MPP7: variants seen among roughly 807,000 people sequenced by gnomAD.
The protein encoded by MPP7 is MAGUK p55 scaffold protein 7.
Under a neutral mutation model 76.5 loss-of-function variants are expected in MPP7, and 60 were observed. That is an observed-to-expected ratio of 0.78 (90% CI 0.64 to 0.97). The LOEUF (loss-of-function observed/expected upper bound fraction) is 0.97, where lower values mean the gene tolerates loss of function less well. MPP7 is among the 50% of genes least tolerant of loss of function. The probability of loss-of-function intolerance (pLI) is 0.00; values close to 1 mark genes in which losing one functional copy is unlikely to be tolerated. For synonymous variants in MPP7, 237 were observed against 244.5 expected (o/e 0.97, Z 0.29); for missense variants, 641 against 694.0 (o/e 0.92, Z 0.86).
At chr10:28,159,499 T>G (rs1256458664) in intron 3 of MPP7, among the ~76,000 whole-genome samples, 53 of 152,214 alleles carry the variant, frequency 3.5e-4, no homozygotes, top group Admixed American at 3.5e-3. Context: ...AATTTGTAAA[T>G]ATCTTTCATT....
Position 28,273,499 on chromosome 10 carries a change from C to T in MPP7, c.-132+29362G>A, listed in dbSNP as rs191229262. ...GTGGAGACAGACATAAGCAATTGCT[C>T]GGCGTAGCCTCTCCTACAGAAGAGT... On this transcript the variant is annotated intron_variant, in intron 1 of 16. Coordinates refer to ENST00000683449, the MANE Select transcript of MPP7 (RefSeq NM_001318170.2). Among the ~76,000 whole-genome samples, 438 of 152,304 alleles carry T rather than the reference C, an allele frequency of 2.9e-3. 4 individuals are homozygous for T. Among genetic ancestry groups the T allele is most frequent in the African/African-American group, 0.01 (419 of 41,554 alleles).
At position 28,073,742 on chromosome 10, in the gene MPP7, C is replaced by A. The variant is rs971804950; in HGVS notation, c.1124-3890G>T. On this transcript the variant is annotated intron_variant, in intron 12 of 16. Coordinates refer to ENST00000683449, the MANE Select transcript of MPP7 (RefSeq NM_001318170.2). ...CCAAGATTGCATCACTGCACTCCAG[C>A]CTGGTGACAGAGTGAGACTGCATCT... Among the ~76,000 whole-genome samples, 6 of 151,902 alleles carry A rather than the reference C, an allele frequency of 3.9e-5. No individual in the cohort carries two copies. The South Asian group carries it at 1.0e-3, about 26-fold the overall frequency.
chr10:28,323,464 AAAAG>A (rs1834385000), intron 2 of MPP7, among the ~76,000 whole-genome samples: 4 of 151,744 alleles, frequency 2.6e-5, no homozygotes. Context: ...GAAAAAAAAA[AAAAG>A]AAAGAAAGAA....
chr10:28,116,954 T>C (rs982826455), intron 11 of MPP7, among the ~76,000 whole-genome samples: 2 of 152,110 alleles, frequency 1.3e-5, no homozygotes, highest in Admixed American at 1.3e-4. Flanking sequence ...TTACTTACCT[T>C]GGAGCCAAGA....
intron 12 of MPP7, among the ~76,000 whole-genome samples, chr10:28,079,526 A>T (rs1353605808): frequency 6.6e-6 from 1 of 152,168 alleles, no homozygotes; most frequent in Non-Finnish European, 1.5e-5. Flanking sequence ...AAACAAAGCT[A>T]AATGAGTAGA....
At chr10:28,206,229 T>A (rs1287417323) in intron 2 of MPP7, among the ~76,000 whole-genome samples, 1 of 152,182 alleles carries the variant, frequency 6.6e-6, no homozygotes, top group Non-Finnish European at 1.5e-5. Flanking sequence ...AGATACAACT[T>A]ATAGAATATA....
chr10:28,062,257 G>A (rs1588711557), intron 13 of MPP7, among the ~76,000 whole-genome samples: 1 of 152,044 alleles, frequency 6.6e-6, no homozygotes. Context: ...TGGCTGCCAG[G>A]TTTCTGTATT....
At chr10:28,231,971 C>T (rs1299638463) in intron 2 of MPP7, among the ~76,000 whole-genome samples, 2 of 152,228 alleles carry the variant, frequency 1.3e-5, no homozygotes, top group South Asian at 2.1e-4. Flanking sequence ...AAACAAAATA[C>T]GAGCAAACCA....
chr10:28,111,272 TG>T (rs1173264722), intron 11 of MPP7, among the ~76,000 whole-genome samples: 1 of 152,006 alleles, frequency 6.6e-6, no homozygotes, highest in Admixed American at 6.5e-5. Context: ...AAAAAACAAA[TG>T]TATTTTAAAT....
chr10:28,156,249 T>G (rs988440416), intron 3 of MPP7, among the ~76,000 whole-genome samples: 1 of 152,218 alleles, frequency 6.6e-6, no homozygotes, highest in Admixed American at 6.5e-5. Context: ...CTAGGGTTAC[T>G]GTGAGAATGA....
At chr10:28,177,131 G>A (rs1384791649) in intron 3 of MPP7, among the ~76,000 whole-genome samples, 1 of 151,346 alleles carries the variant, frequency 6.6e-6, no homozygotes, top group Non-Finnish European at 1.5e-5. Flanking sequence ...AGTAAAAAGA[G>A]TTCTGGCCGG....
intron 2 of MPP7, among the ~76,000 whole-genome samples, chr10:28,309,339 G>A (rs772476866): frequency 2.0e-5 from 3 of 150,820 alleles, no homozygotes; most frequent in Admixed American, 1.3e-4. Flanking sequence ...GCTTGAACCC[G>A]AGATGTGGAG....
At chr10:28,320,629 A>G (rs1834361483) in intron 2 of MPP7, among the ~76,000 whole-genome samples, 1 of 152,162 alleles carries the variant, frequency 6.6e-6, no homozygotes, top group African/African-American at 2.4e-5. Flanking sequence ...TCAACTTGAA[A>G]TCACTACACA....
chr10:28,059,426 G>T (rs1056738239), intron 14 of MPP7: 3 of 448,576 alleles, frequency 6.7e-6, no homozygotes, highest in Non-Finnish European at 1.2e-5. Flanking sequence ...CTGCAAAGCA[G>T]TGTCTACACA....
At chr10:28,271,219 A>G (rs1840317131) in intron 1 of MPP7, among the ~76,000 whole-genome samples, 1 of 152,224 alleles carries the variant, frequency 6.6e-6, no homozygotes, top group Non-Finnish European at 1.5e-5. Flanking sequence ...CAGAGAAACC[A>G]AAGGAATATT....
chr10:28,116,889 A>G (rs1029823121), intron 11 of MPP7, among the ~76,000 whole-genome samples: 1 of 152,136 alleles, frequency 6.6e-6, no homozygotes, highest in Non-Finnish European at 1.5e-5. Context: ...TGAATTTTGC[A>G]TAAGGAGGCT....
intron 3 of MPP7, among the ~76,000 whole-genome samples, chr10:28,198,936 T>C (rs1433820231): frequency 1.3e-5 from 2 of 152,132 alleles, no homozygotes; most frequent in African/African-American, 4.8e-5. Context: ...CCCACAGATA[T>C]GTGTATTTGT....
Position 28,154,636 on chromosome 10 carries a change from T to G in MPP7, c.157-4577A>C, listed in dbSNP as rs562610461. ...ATGTAGTGATACTATTTGAAACCAC[T>G]TCTCAGAACATTTTCTACAGATCAA... On this transcript the variant is annotated intron_variant, in intron 3 of 16. Transcript: ENST00000683449. Among the ~76,000 whole-genome samples, 11 of 152,190 alleles carry G rather than the reference T, an allele frequency of 7.2e-5. No individual in the cohort carries two copies. The East Asian group carries it at 1.9e-3, about 27-fold the overall frequency.
chr10:28,119,564 C>T (rs1171408730), intron 11 of MPP7, 87 bp downstream of exon 11: 1 of 1,010,486 alleles, frequency 9.9e-7, no homozygotes, highest in Admixed American at 1.9e-5. Flanking sequence ...GGTAATAGGA[C>T]CCTTTGTTCT....
Sources: gnomAD v4.1 joint callset for allele counts (sites outside exome capture counted in the v4.1 genomes callset) on GRCh38, gnomAD v4.1.1 for gene constraint, MANE v1.5 for transcripts, NCBI Gene and HGNC (gene_info 2026-07-23, HGNC 2026-07-21) for gene names.